Variants in PABPC1L observed in about 807,000 individuals in gnomAD.
PABPC1L encodes the protein polyadenylate-binding protein 1-like.
In PABPC1L, 31 loss-of-function variants were observed where a neutral mutation model predicts 66.6. That is an observed-to-expected ratio of 0.47 (90% CI 0.35 to 0.63). The LOEUF (loss-of-function observed/expected upper bound fraction) is 0.63. Among genes scored for constraint, PABPC1L ranks in the 20% least tolerant of loss-of-function variants. The pLI, the probability that PABPC1L is intolerant of heterozygous loss-of-function variation, is 0.00. For synonymous variants in PABPC1L, 348 were observed against 335.1 expected (o/e 1.04, Z -0.42); for missense variants, 722 against 848.8 (o/e 0.85, Z 1.86).
In PABPC1L at chr20:44,918,896, A is replaced by G. The variant is rs2072728; in HGVS notation, c.504-10A>G. ...GTCCACAGCCATGAGCCAGTGTGTCATGTCCACAGCTTTGTGGGTCACTTC... is the reference window on the plus strand; with the variant it reads ...GTCCACAGCCATGAGCCAGTGTGTCGTGTCCACAGCTTTGTGGGTCACTTC... On this transcript the variant is annotated splice_polypyrimidine_tract_variant and intron_variant, in intron 3 of 14. Transcript: ENST00000217073. 583,434 of 1,567,224 alleles carry G rather than the reference A, an allele frequency of 0.37. 110,992 individuals are homozygous for G. Among genetic ancestry groups the G allele is most frequent in the African/African-American group, 0.54 (39,961 of 73,728 alleles).
At chr20:44,913,086 C>T (rs2066715869) in intron 2 of PABPC1L, among the ~76,000 whole-genome samples, 1 of 152,190 alleles carries the variant, frequency 6.6e-6, no homozygotes, top group Non-Finnish European at 1.5e-5. Context: ...ATTTAGTGGC[C>T]GTCAACAACA....
chr20:44,920,075 C>T (rs1277318428), intron 5 of PABPC1L, among the ~76,000 whole-genome samples: 2 of 152,208 alleles, frequency 1.3e-5, no homozygotes, highest in African/African-American at 2.4e-5. Context: ...TCCCCCAACA[C>T]ATGAACAGCC....
intron 7 of PABPC1L, among the ~76,000 whole-genome samples, chr20:44,924,649 C>T (rs191234900): frequency 3.3e-5 from 5 of 152,300 alleles, no homozygotes; most frequent in Admixed American, 1.3e-4. Flanking sequence ...GGCTGGACTT[C>T]GTCATTCTTC....
Position 44,939,147 on chromosome 20 carries a change from T to C in PABPC1L, c.*28T>C, listed in dbSNP as rs1052721643. On this transcript the variant is annotated 3_prime_UTR_variant, in exon 15 of 15. Transcript: ENST00000217073. Reference sequence around the variant, plus strand: ...TCAGAAAAGGAAATCCTCGCTTCCATGGCTGCCAAAAGGACAGTGTTTCTG... The same window carrying C: ...TCAGAAAAGGAAATCCTCGCTTCCACGGCTGCCAAAAGGACAGTGTTTCTG... 3 of 717,966 alleles carry C rather than the reference T, an allele frequency of 4.2e-6. No homozygotes were observed. The highest frequency in any genetic ancestry group is 1.7e-5 in the African/African-American group (1 of 57,286). 44.5% of individuals were successfully genotyped at this position (717,966 alleles called of 1,614,324 possible). A position where few individuals can be genotyped will look rare whatever the true frequency, so the allele number is the denominator to read the frequency against.
At chr20:44,919,076 C>G (rs1279706708) in intron 4 of PABPC1L, 31 bp downstream of exon 4, 2 of 1,610,786 alleles carry the variant, frequency 1.2e-6, no homozygotes, top group Non-Finnish European at 1.7e-6. Flanking sequence ...GCGGGGGGAT[C>G]ACTGTTTTTC....
intron 10 of PABPC1L, among the ~76,000 whole-genome samples, chr20:44,935,037 T>C (rs1181869147): frequency 6.7e-6 from 1 of 149,642 alleles, no homozygotes; most frequent in Admixed American, 6.7e-5. Context: ...CACTGCACTA[T>C]AGCCTGGGTG....
intron 7 of PABPC1L, 96 bp from the exon 8 acceptor site, chr20:44,930,364 C>T: frequency 6.8e-7 from 1 of 1,476,438 alleles, no homozygotes; most frequent in Admixed American, 2.1e-5. Context: ...CGGGCCTGCC[C>T]AGTGCTGGGC....
At chr20:44,937,997 G>A (rs748184402) in intron 12 of PABPC1L, 64 bp from the exon 13 acceptor site, 37 of 1,607,696 alleles carry the variant, frequency 2.3e-5, no homozygotes, top group Non-Finnish European at 3.0e-5. Flanking sequence ...CACTCCATAC[G>A]AGCCCTGGGA....
At chr20:44,920,995 T>C (rs1430931697) in intron 5 of PABPC1L, among the ~76,000 whole-genome samples, 2 of 148,204 alleles carry the variant, frequency 1.3e-5, no homozygotes, top group African/African-American at 5.0e-5. Flanking sequence ...GTATTTTTAG[T>C]AGAGATGGGG....
chr20:44,916,693 G>C, intron 2 of PABPC1L, 63 bp from the exon 3 acceptor site: 2 of 1,493,594 alleles, frequency 1.3e-6, no homozygotes, highest in Non-Finnish European at 1.9e-6. Flanking sequence ...GATCACCTTT[G>C]CCATTCCTTT....
chr20:44,911,083 A>G (rs1187977790), intron 1 of PABPC1L, among the ~76,000 whole-genome samples: 1 of 152,202 alleles, frequency 6.6e-6, no homozygotes, highest in Non-Finnish European at 1.5e-5. Context: ...CTGTCTATGC[A>G]TAAAGAATGG....
intron 1 of PABPC1L, among the ~76,000 whole-genome samples, chr20:44,911,656 G>A (rs2066705817): frequency 6.6e-6 from 1 of 152,092 alleles, no homozygotes; most frequent in East Asian, 1.9e-4. Flanking sequence ...TTGTTCCGCC[G>A]GGCCTGTTCC....
intron 10 of PABPC1L, among the ~76,000 whole-genome samples, chr20:44,933,504 G>T (rs1378821912): frequency 6.6e-6 from 1 of 151,954 alleles, no homozygotes; most frequent in Non-Finnish European, 1.5e-5. Context: ...GGAGTGCAAT[G>T]GCATGATCTC....
rs146865560 is a variant in PABPC1L at position 44,925,704 on chromosome 20, G to C, written c.972+1448G>C. 2.9e-3 allele frequency among the ~76,000 whole-genome samples: 437 copies of C among 152,288 alleles called. 5 individuals are homozygous for C. Among genetic ancestry groups the C allele is most frequent in the African/African-American group, 0.01 (422 of 41,554 alleles). The stretch of plus-strand genomic sequence containing the variant: ...TTGGAGGAAAAAAGGTTGTCTTTTA[G>C]GTTAAGATCCTTTTGAAAAATGCGA... On this transcript the variant is annotated intron_variant, in intron 7 of 14. Coordinates refer to ENST00000217073, the MANE Select transcript of PABPC1L (RefSeq NM_001372179.1).
At chr20:44,926,998 C>T (rs771666391) in intron 7 of PABPC1L, among the ~76,000 whole-genome samples, 8 of 152,062 alleles carry the variant, frequency 5.3e-5, no homozygotes, top group Non-Finnish European at 1.2e-4. Context: ...ACCTGAGCCT[C>T]CTAAGTAGCT....
Position 44,912,746 on chromosome 20 carries a change from C to T in PABPC1L, c.280C>T (p.Arg94Cys), listed in dbSNP as rs751324214. ...IMWSQRDPGL[R>C]KSGVGNIFIK... is the part of the protein sequence containing the mutation. ...GTGGTCCCAGCGAGACCCAGGACTT[C>T]GCAAGTCAGGTGTGGGCAACATCTT... The change falls in exon 2 of 15, where the codon CGC becomes TGC. Residue 94 changes from arginine to cysteine, a missense_variant. Arg to Cys is a radical substitution (Grantham distance 180, BLOSUM62 -3). This residue lies in a region of PABPC1L where 284 missense variants were observed against 294.8 expected (regional missense o/e 0.96). Coordinates refer to ENST00000217073, the MANE Select transcript of PABPC1L (RefSeq NM_001372179.1). The T allele has an allele frequency of 5.0e-6, 8 of 1,614,100 alleles. No individual in the cohort carries two copies. The highest frequency in any genetic ancestry group is 1.7e-5 in the Admixed American group (1 of 60,020).
rs757422318 is a variant in PABPC1L, at chr20:44,916,878, GGC to G, written c.503+8_503+9del. On this transcript the variant is annotated splice_region_variant and intron_variant, in intron 3 of 14. Coordinates refer to ENST00000217073, the MANE Select transcript of PABPC1L (RefSeq NM_001372179.1). ...TGCTGAATGACCGCAAAGTGTGAGT[GGC>G]TGGGCCCGAGGGAGGGGCGGAGGCT... is the stretch of plus-strand genomic sequence containing the variant. 9 of 1,613,520 alleles carry G rather than the reference GGC, an allele frequency of 5.6e-6. 1 individual carries two copies. The South Asian group carries it at 8.8e-5, about 16-fold the overall frequency.
intron 2 of PABPC1L, among the ~76,000 whole-genome samples, chr20:44,916,440 T>C (rs1311019619): frequency 6.6e-6 from 1 of 152,064 alleles, no homozygotes; most frequent in Non-Finnish European, 1.5e-5. Flanking sequence ...ATCTGGCTAA[T>C]TTTTTGTATT....
intron 12 of PABPC1L, chr20:44,936,959 C>T (rs1272574416): frequency 1.6e-6 from 1 of 634,448 alleles, no homozygotes; most frequent in South Asian, 1.5e-5. Flanking sequence ...TCCACTGCTG[C>T]TGTCCTGTGA....
Sources: gnomAD v4.1 joint callset for allele counts (sites outside exome capture counted in the v4.1 genomes callset) on GRCh38, gnomAD v4.1.1 for gene constraint, gnomAD v4.1.1 regional missense constraint, MANE v1.5 for transcripts, NCBI Gene and HGNC (gene_info 2026-07-23, HGNC 2026-07-21) for gene names.